Variants in RUFY3 observed in about 807,000 individuals in gnomAD.
The protein encoded by RUFY3 is RUN and FYVE domain containing 3.
A neutral mutation model predicts 84.0 loss-of-function variants in RUFY3; 34 were observed. The ratio of observed to expected loss-of-function variants is 0.40; its 90% CI spans 0.31 to 0.54. The LOEUF is 0.54. Ranked by LOEUF, RUFY3 falls within the 20% of genes least tolerant of loss-of-function variation. The pLI is 0.39. For missense variants in RUFY3, 507 were observed against 736.8 expected (o/e 0.69, Z 3.61); for synonymous variants, 242 against 252.9 (o/e 0.96, Z 0.41).
At position 70,771,580 on chromosome 4, in the gene RUFY3, G is replaced by A. The variant is rs374744609; in HGVS notation, c.697-1931G>A. On this transcript the variant is annotated intron_variant, in intron 5 of 17. Coordinates refer to ENST00000381006, the MANE Select transcript of RUFY3 (RefSeq NM_001037442.4). ...ACAAAGTCTCACTGTCATCCAGGCC[G>A]GAGTGCCGTGGAGTGAACTCAGCTC... is the stretch of plus-strand genomic sequence containing the variant. Among the ~76,000 whole-genome samples, 16 of 152,130 alleles carry A rather than the reference G, an allele frequency of 1.1e-4. No homozygotes were observed. The East Asian group carries it at 1.2e-3, about 11-fold the overall frequency.
At chr4:70,776,003 A>G (rs1438911882) in intron 7 of RUFY3, among the ~76,000 whole-genome samples, 1 of 151,846 alleles carries the variant, frequency 6.6e-6, no homozygotes, top group East Asian at 1.9e-4. Context: ...TCTCATTTAT[A>G]CATTGAATTA....
upstream of RUFY3, chr4:70,721,951 G>A (rs1271218491): frequency 2.4e-6 from 3 of 1,231,916 alleles, no homozygotes; most frequent in Non-Finnish European, 3.0e-6. Flanking sequence ...ACATGAGCCT[G>A]AATTTTCAGT....
At chr4:70,708,664 A>C (rs1051376180) in intron 1 of RUFY3, among the ~76,000 whole-genome samples, 2 of 152,164 alleles carry the variant, frequency 1.3e-5, no homozygotes, top group African/African-American at 4.8e-5. Context: ...TATTTTAGAA[A>C]TCTTGAGTGT....
chr4:70,769,809 G>A (rs1726654759), intron 5 of RUFY3, among the ~76,000 whole-genome samples: 1 of 151,652 alleles, frequency 6.6e-6, no homozygotes, highest in Non-Finnish European at 1.5e-5. Context: ...CTTTATTTTT[G>A]TTTTGTTTTT....
Position 70,734,675 on chromosome 4 carries a change from G to C in RUFY3, c.178+11924G>C, listed in dbSNP as rs78718522. On this transcript the variant is annotated intron_variant, in intron 1 of 17. Coordinates refer to ENST00000381006, the MANE Select transcript of RUFY3 (RefSeq NM_001037442.4). ...AATATCAGTAGCTCTGTACTTGTAT[G>C]CCAGTTCCTATCTAAACCACGAAAG... 1.4e-4 allele frequency: 73 copies of C among 505,082 alleles called. No individual in the cohort carries two copies. In the East Asian group the frequency reaches 8.8e-3, roughly 61 times the overall value. The allele number at this position is 505,082 out of a possible 1,614,324, so 31.3% of individuals were successfully genotyped here. A position where few individuals can be genotyped will look rare whatever the true frequency, so the allele number is the denominator to read the frequency against.
At chr4:70,711,444 C>T (rs1376281820) in intron 1 of RUFY3, among the ~76,000 whole-genome samples, 1 of 152,206 alleles carries the variant, frequency 6.6e-6, no homozygotes, top group Non-Finnish European at 1.5e-5. Context: ...GTTTTGGAAA[C>T]AGCAGAGTGA....
chr4:70,771,521 G>C (rs112676249), intron 5 of RUFY3, among the ~76,000 whole-genome samples: 2 of 152,004 alleles, frequency 1.3e-5, no homozygotes, highest in Non-Finnish European at 2.9e-5. Flanking sequence ...ATTATAAATA[G>C]TTATATTTAT....
chr4:70,720,502 A>C (rs1742147565), upstream of RUFY3, among the ~76,000 whole-genome samples: 1 of 151,974 alleles, frequency 6.6e-6, no homozygotes, highest in Non-Finnish European at 1.5e-5. Context: ...TGTCTTCGTA[A>C]CAATATGAAA....
intron 5 of RUFY3, among the ~76,000 whole-genome samples, chr4:70,772,778 A>G (rs1053792086): frequency 1.8e-4 from 27 of 152,064 alleles, no homozygotes; most frequent in Non-Finnish European, 1.6e-4. Flanking sequence ...CTCCTGCCTC[A>G]GCCTCCCGAG....
At chr4:70,791,478 G>GT in intron 12 of RUFY3, 1 of 1,387,178 alleles carries the variant, frequency 7.2e-7, no homozygotes, top group Non-Finnish European at 9.3e-7. Context: ...TTTTCTTATT[G>GT]TTTTCTCCCC....
chr4:70,753,349 T>C (rs1723444294), intron 1 of RUFY3, among the ~76,000 whole-genome samples: 1 of 152,218 alleles, frequency 6.6e-6, no homozygotes, highest in African/African-American at 2.4e-5. Context: ...TTGGATTTTA[T>C]TGATTTTTCT....
At position 70,789,161 on chromosome 4, in the gene RUFY3, A is replaced by T. The variant is rs192773584; in HGVS notation, c.1239+188A>T. 5.7e-3 allele frequency among the ~76,000 whole-genome samples: 867 copies of T among 152,296 alleles called. 35 individuals carry two copies. The highest frequency in any genetic ancestry group is 0.054 in the Admixed American group (822 of 15,294). On this transcript the variant is annotated intron_variant, in intron 11 of 17. Coordinates refer to ENST00000381006, the MANE Select transcript of RUFY3 (RefSeq NM_001037442.4). ...GGGATCCTGTATTGCTGTTCTAGAA[A>T]ACCATGGCCACTTTTCACATTATAG...
chr4:70,795,685 T>TC (rs1290814426), intron 14 of RUFY3, among the ~76,000 whole-genome samples: 1 of 152,204 alleles, frequency 6.6e-6, no homozygotes, highest in African/African-American at 2.4e-5. Flanking sequence ...TCCATCAAGT[T>TC]CAAGAGACTT....
intron 12 of RUFY3, among the ~76,000 whole-genome samples, chr4:70,790,291 A>C (rs1372225988): frequency 6.6e-6 from 1 of 152,206 alleles, no homozygotes; most frequent in African/African-American, 2.4e-5. Flanking sequence ...GCAACTTAGC[A>C]GCCAAGAGAA....
At chr4:70,738,077 AG>A (rs955055320) in intron 1 of RUFY3, among the ~76,000 whole-genome samples, 5 of 145,690 alleles carry the variant, frequency 3.4e-5, no homozygotes, top group African/African-American at 1.3e-4. Context: ...TCCACCTCCC[AG>A]GCTCAAGCAA....
intron 3 of RUFY3, among the ~76,000 whole-genome samples, chr4:70,764,167 T>C (rs183269872): frequency 6.6e-6 from 1 of 152,356 alleles, no homozygotes; most frequent in East Asian, 1.9e-4. Flanking sequence ...ATTTATATAA[T>C]CCACACTGAA....
Position 70,731,519 on chromosome 4 carries a change from A to G in RUFY3, c.178+8768A>G, listed in dbSNP as rs573580197. On this transcript the variant is annotated intron_variant, in intron 1 of 17. Coordinates refer to ENST00000381006, the MANE Select transcript of RUFY3 (RefSeq NM_001037442.4). The stretch of plus-strand genomic sequence containing the variant: ...CTGGCAAGTGACACCTCTATATGCT[A>G]AATTTAGCTTTCTGAAGCAGATGTA... 3.2e-4 allele frequency among the ~76,000 whole-genome samples: 48 copies of G among 152,332 alleles called. No homozygotes were observed. The East Asian group carries it at 8.9e-3, about 28-fold the overall frequency.
intron 1 of RUFY3, among the ~76,000 whole-genome samples, chr4:70,736,737 A>T (rs996787677): frequency 6.6e-6 from 1 of 151,994 alleles, no homozygotes; most frequent in East Asian, 1.9e-4. Context: ...ATGTCCGGCT[A>T]ATTTTTGTAT....
At chr4:70,784,675 G>A (rs1346992234) in intron 9 of RUFY3, 121 bp from the exon 10 acceptor site, 1 of 514,962 alleles carries the variant, frequency 1.9e-6, no homozygotes, top group African/African-American at 2.0e-5. Flanking sequence ...TCTTTGTTGT[G>A]TTTGTTCATT....
Sources: gnomAD v4.1 joint callset for allele counts (sites outside exome capture counted in the v4.1 genomes callset) on GRCh38, gnomAD v4.1.1 for gene constraint, MANE v1.5 for transcripts, NCBI Gene and HGNC (gene_info 2026-07-23, HGNC 2026-07-21) for gene names.